SCAP: variants seen among roughly 807,000 people sequenced by gnomAD.
SCAP encodes the protein SREBF chaperone.
A neutral mutation model predicts 123.6 loss-of-function variants in SCAP; 65 were observed. That is an observed-to-expected ratio of 0.53 (90% CI 0.43 to 0.65). The LOEUF is 0.65. SCAP is among the 30% of genes least tolerant of loss of function. SCAP has a pLI of 0.00. For synonymous variants in SCAP, 740 were observed against 726.3 expected (o/e 1.02, Z -0.30); for missense variants, 1,398 against 1,712.5 (o/e 0.82, Z 3.24).
chr3:47,476,437 G>A (rs901069187), upstream of SCAP, among the ~76,000 whole-genome samples: 5 of 152,172 alleles, frequency 3.3e-5, no homozygotes, highest in South Asian at 2.1e-4. Flanking sequence ...CCCTGCACAA[G>A]ATGCTCATGT....
intron 6 of SCAP, among the ~76,000 whole-genome samples, 175 bp downstream of exon 6, chr3:47,426,982 A>G (rs1706161300): frequency 6.6e-6 from 1 of 152,100 alleles, no homozygotes; most frequent in African/African-American, 2.4e-5. Flanking sequence ...CATCCCCATT[A>G]AAATGTGGTA....
chr3:47,475,156 TCACTGCCC>T (rs1335912682), intron 1 of SCAP, among the ~76,000 whole-genome samples: 4 of 150,168 alleles, frequency 2.7e-5, no homozygotes, highest in Non-Finnish European at 5.9e-5. Flanking sequence ...CCACAGCGAC[TCACTGCCC>T]CCCCCTCCGC....
intron 3 of SCAP, among the ~76,000 whole-genome samples, chr3:47,430,600 G>A (rs1380958952): frequency 6.6e-6 from 1 of 152,212 alleles, no homozygotes; most frequent in Non-Finnish European, 1.5e-5. Context: ...AGCAGGCTTA[G>A]ACTGAAGCCT....
chr3:47,417,617 C>G lies in SCAP; in HGVS notation c.2657G>C (p.Arg886Pro). Residue 886 changes from arginine to proline, a missense_variant, in exon 17 of 23, where the codon CGG becomes CCG. Arg to Pro is a moderately radical substitution (Grantham distance 103, BLOSUM62 -2). Around this residue, in one of 7 missense-constraint regions of SCAP, gnomAD observed 828 missense variants for 882.5 expected, o/e 0.94. Coordinates refer to ENST00000265565, the MANE Select transcript of SCAP (RefSeq NM_012235.4). ...LIDTNFSAQP[R>P]SSQPTQPEPR... ...CTCGGGCTGAGTGGGCTGTGAGGAC[C>G]GAGGCTGCGCTGAAAAGTTGGTGTC... is the stretch of plus-strand genomic sequence containing the variant. 6.2e-7 allele frequency: 1 copy of G among 1,605,930 alleles called. No individual in the cohort carries two copies. Among genetic ancestry groups the G allele is most frequent in the Non-Finnish European group, 8.5e-7 (1 of 1,177,244 alleles).
At chr3:47,435,899 A>C (rs1706560893) in intron 2 of SCAP, among the ~76,000 whole-genome samples, 1 of 152,098 alleles carries the variant, frequency 6.6e-6, no homozygotes, top group Non-Finnish European at 1.5e-5. Flanking sequence ...AAATCAAAAA[A>C]ATTAGCCAGG....
intron 9 of SCAP, among the ~76,000 whole-genome samples, chr3:47,423,570 C>T: frequency 6.6e-6 from 1 of 152,164 alleles, no homozygotes; most frequent in East Asian, 1.9e-4. Flanking sequence ...ATTTTTCTAT[C>T]TTTTGTAGAC....
chr3:47,422,294 T>C (rs1705936205), intron 10 of SCAP, 148 bp downstream of exon 10: 1 of 675,366 alleles, frequency 1.5e-6, no homozygotes, highest in Non-Finnish European at 2.5e-6. Context: ...CTGGGTGCTG[T>C]AGTGATCTGC....
chr3:47,437,658 G>C (rs1281980356), intron 2 of SCAP, among the ~76,000 whole-genome samples: 2 of 151,812 alleles, frequency 1.3e-5, no homozygotes, highest in African/African-American at 4.8e-5. Flanking sequence ...TGGGAGGATC[G>C]CTTGAGCCGG....
rs200269239 is a variant in SCAP, at chr3:47,417,113, C to T, written c.3056+9G>A. 18 of 1,612,616 alleles carry T rather than the reference C, an allele frequency of 1.1e-5. No homozygotes were observed. In the Admixed American group the frequency reaches 2.7e-4, roughly 24 times the overall value. The stretch of plus-strand genomic sequence containing the variant: ...GGGGACATCTGGGGCTGAGGCAGGC[C>T]ACGCTCACCTTTTGTCCAAGAACAC... On this transcript the variant is annotated intron_variant, in intron 18 of 22. Coordinates refer to ENST00000265565, the MANE Select transcript of SCAP (RefSeq NM_012235.4).
chr3:47,417,642 C>T lies in SCAP; in HGVS notation c.2632G>A (p.Asp878Asn). 1 of 1,608,798 alleles carries T rather than the reference C, an allele frequency of 6.2e-7. No individual in the cohort carries two copies. Among genetic ancestry groups the T allele is most frequent in the South Asian group, 1.1e-5 (1 of 90,660 alleles). Residue 878 changes from aspartate to asparagine, a missense_variant, in exon 17 of 23, where the codon GAC becomes AAC. By Grantham distance (23) the Asp-to-Asn change is conservative. Coordinates refer to ENST00000265565, the MANE Select transcript of SCAP (RefSeq NM_012235.4). ...GDQPDLTCLI[D>N]TNFSAQPRSS... Reference sequence around the variant, plus strand: ...CGAGGCTGCGCTGAAAAGTTGGTGTCAATTAAGCAGGTGAGGTCAGGCTGG... The same window carrying T: ...CGAGGCTGCGCTGAAAAGTTGGTGTTAATTAAGCAGGTGAGGTCAGGCTGG...
chr3:47,428,827 T>C (rs1706247768), intron 3 of SCAP, 157 bp from the exon 4 acceptor site: 1 of 726,400 alleles, frequency 1.4e-6, no homozygotes, highest in Non-Finnish European at 2.2e-6. Flanking sequence ...GGATGGCAGA[T>C]AAGAAAAGAA....
intron 1 of SCAP, among the ~76,000 whole-genome samples, chr3:47,444,274 CCAGA>C (rs1706938340): frequency 6.6e-6 from 1 of 152,078 alleles, no homozygotes; most frequent in Non-Finnish European, 1.5e-5. Flanking sequence ...GGGAACCTGC[CCAGA>C]CACATTTCTT....
chr3:47,459,172 G>A (rs878659), intron 1 of SCAP, among the ~76,000 whole-genome samples: 75,286 of 152,062 alleles, frequency 0.5, 20,282 homozygotes, highest in Non-Finnish European at 0.6. Context: ...TTCACACAAT[G>A]TCTTGGCCCA....
Position 47,417,658 on chromosome 3 carries a change from G to A in SCAP, c.2616C>T (p.Asp872=), listed in dbSNP as rs780930197. ...PPPSLFGDQP[D]LTCLIDTNFS... ...AGTTGGTGTCAATTAAGCAGGTGAG[G>A]TCAGGCTGGTCCCCGAAGAGGGAAG... Residue 872 remains aspartate (D), a synonymous_variant, in exon 17 of 23, where the codon GAC becomes GAT. Coordinates refer to ENST00000265565, the MANE Select transcript of SCAP (RefSeq NM_012235.4). 4 of 1,609,344 alleles carry A rather than the reference G, an allele frequency of 2.5e-6. No homozygotes were observed. The highest frequency in any genetic ancestry group is 2.2e-5 in the South Asian group (2 of 90,780).
chr3:47,418,060 G>A (rs1187814036), intron 16 of SCAP, 74 bp downstream of exon 16: 3 of 1,074,426 alleles, frequency 2.8e-6, no homozygotes, highest in Admixed American at 2.1e-5. Flanking sequence ...GAAAGGAGGG[G>A]AGATACGTGG....
rs756556941 is a variant in SCAP, at chr3:47,426,037, G to A, written c.870C>T (p.Thr290=). Reference sequence around the variant, plus strand: ...TGTAGGCAAACAAGATGATGTAGGTGGTCACAAGGGGGATGAGCTCAGCGA... The same window carrying A: ...TGTAGGCAAACAAGATGATGTAGGTAGTCACAAGGGGGATGAGCTCAGCGA... ...IGVAELIPLV[T]TYIILFAYIY... The change falls in exon 7 of 23, where the codon ACC becomes ACT. Residue 290 remains threonine (T), a synonymous_variant. Coordinates refer to ENST00000265565, the MANE Select transcript of SCAP (RefSeq NM_012235.4). 1 of 1,614,200 alleles carries A rather than the reference G, an allele frequency of 6.2e-7. No individual in the cohort carries two copies. Among genetic ancestry groups the A allele is most frequent in the Non-Finnish European group, 8.5e-7 (1 of 1,180,034 alleles).
At position 47,414,943 on chromosome 3, in the gene SCAP, C is replaced by G. The variant is rs772658776; in HGVS notation, c.3190G>C (p.Asp1064His). The G allele has an allele frequency of 1.6e-5, 25 of 1,611,278 alleles. No individual in the cohort carries two copies. The highest frequency in any genetic ancestry group is 2.1e-5 in the Non-Finnish European group (25 of 1,179,118). The stretch of plus-strand genomic sequence containing the variant: ...TGGGTCAGGTGACAGGCCACTGTGT[C>G]GCTGCTGCTGTACACTGGAGAGGCA... ...SPASPVYSSS[D>H]TVACHLTHTV... Residue 1064 changes from aspartate to histidine, a missense_variant, in exon 20 of 23, where the codon GAC (aspartate) becomes CAC (histidine). Asp to His is a moderately conservative substitution (Grantham distance 81). Around this residue, in one of 7 missense-constraint regions of SCAP, gnomAD observed 828 missense variants for 882.5 expected, o/e 0.94. Transcript: ENST00000265565.
rs1707202088 is a variant in SCAP, at chr3:47,450,623, C to T, written c.-98-7532G>A. Among the ~76,000 whole-genome samples the T allele has an allele frequency of 1.7e-5, 2 of 117,262 alleles. 1 individual carries two copies. The highest frequency in any genetic ancestry group is 3.7e-5 in the Non-Finnish European group (2 of 53,996). 76.9% of individuals were successfully genotyped at this position (117,262 alleles called of 152,430 possible). ...AATCTCCCAGGCTCAGGTGATCCTC[C>T]CACTTTAGCCTGCCTATAGGCACGT... On this transcript the variant is annotated intron_variant, in intron 1 of 22. Transcript: ENST00000265565.
intron 1 of SCAP, among the ~76,000 whole-genome samples, chr3:47,457,324 T>C (rs899012892): frequency 5.3e-5 from 8 of 152,164 alleles, no homozygotes; most frequent in Admixed American, 3.3e-4. Flanking sequence ...TGAGCAAAGT[T>C]TCCTGTGGAA....
Sources: gnomAD v4.1 joint callset for allele counts (sites outside exome capture counted in the v4.1 genomes callset) on GRCh38, gnomAD v4.1.1 for gene constraint, gnomAD v4.1.1 regional missense constraint, MANE v1.5 for transcripts, NCBI Gene and HGNC (gene_info 2026-07-23, HGNC 2026-07-21) for gene names.